The following NDUFAF2 variants were observed in gnomAD, a reference collection of about 807,000 sequenced individuals.
NDUFAF2 encodes the protein NADH:ubiquinone oxidoreductase complex assembly factor 2.
A neutral mutation model predicts 22.8 loss-of-function variants in NDUFAF2; 13 were observed. The ratio of observed to expected loss-of-function variants is 0.57; its 90% confidence interval spans 0.37 to 0.91. The LOEUF (loss-of-function observed/expected upper bound fraction) is 0.91. Ranked by LOEUF, NDUFAF2 falls within the 40% of genes least tolerant of loss-of-function variation. The pLI, the probability that NDUFAF2 is intolerant of heterozygous loss-of-function variation, is 0.01. For missense variants in NDUFAF2, 162 were observed against 195.2 expected (o/e 0.83, Z 1.01); for synonymous variants, 53 against 64.2 (o/e 0.83, Z 0.84).
intron 3 of NDUFAF2, among the ~76,000 whole-genome samples, chr5:61,111,093 T>C (rs902605695): frequency 6.6e-6 from 1 of 152,212 alleles, no homozygotes; most frequent in African/African-American, 2.4e-5. Flanking sequence ...TCAAGGAGCA[T>C]ATTAATTTCC....
intron 1 of NDUFAF2, among the ~76,000 whole-genome samples, chr5:60,954,903 G>C (rs1280635640): frequency 6.6e-6 from 1 of 152,058 alleles, no homozygotes; most frequent in Non-Finnish European, 1.5e-5. Flanking sequence ...ATGCCTGTTA[G>C]TTCCTTTGCC....
At chr5:60,984,081 A>G (rs138123857) in intron 1 of NDUFAF2, among the ~76,000 whole-genome samples, 9,651 of 152,142 alleles carry the variant, frequency 0.063, 1,003 homozygotes, top group African/African-American at 0.22. Context: ...TTCATTGAGC[A>G]GTGGTTTGTA....
intron 1 of NDUFAF2, among the ~76,000 whole-genome samples, chr5:61,050,942 T>C (rs924384993): frequency 6.6e-6 from 1 of 152,170 alleles, no homozygotes; most frequent in Non-Finnish European, 1.5e-5. Context: ...CTCTAAAGTA[T>C]TTTTAAATTC....
intron 3 of NDUFAF2, among the ~76,000 whole-genome samples, chr5:61,112,675 A>G (rs1022610790): frequency 2.3e-4 from 35 of 152,258 alleles, no homozygotes; most frequent in South Asian, 6.2e-4. Flanking sequence ...TGTAGACAAC[A>G]GATTGTTGGG....
chr5:61,022,469 A>C (rs1250512266), intron 1 of NDUFAF2, among the ~76,000 whole-genome samples: 1 of 152,208 alleles, frequency 6.6e-6, no homozygotes, highest in African/African-American at 2.4e-5. Context: ...GATAACACTT[A>C]TATTTCCTTA....
chr5:60,952,697 G>A (rs1750564385), intron 1 of NDUFAF2, among the ~76,000 whole-genome samples: 1 of 152,002 alleles, frequency 6.6e-6, no homozygotes, highest in Admixed American at 6.6e-5. Context: ...ATGTCAGTTA[G>A]CCCAAGCTGG....
intron 1 of NDUFAF2, among the ~76,000 whole-genome samples, chr5:60,960,445 C>T (rs1750669366): frequency 1.3e-5 from 2 of 152,170 alleles, no homozygotes; most frequent in South Asian, 4.1e-4. Context: ...AACCCAGTTT[C>T]TCTGCATCAG....
intron 1 of NDUFAF2, among the ~76,000 whole-genome samples, chr5:61,060,691 C>T (rs1395549510): frequency 1.3e-5 from 2 of 152,096 alleles, no homozygotes; most frequent in African/African-American, 4.8e-5. Context: ...CTCTTTCAAC[C>T]CCAAAGTCAC....
At chr5:61,083,280 A>G (rs899645827) in intron 2 of NDUFAF2, 1 of 151,720 alleles carries the variant, frequency 6.6e-6, no homozygotes, top group Non-Finnish European at 1.5e-5. Context: ...TTGATGTCTT[A>G]CATTTAAGTC....
At chr5:61,101,114 A>G (rs1752700299) in intron 3 of NDUFAF2, among the ~76,000 whole-genome samples, 1 of 152,194 alleles carries the variant, frequency 6.6e-6, no homozygotes, top group African/African-American at 2.4e-5. Context: ...TAGATACATC[A>G]TATTAAGAGG....
intron 1 of NDUFAF2, among the ~76,000 whole-genome samples, chr5:61,039,154 A>G (rs1751839654): frequency 6.6e-6 from 1 of 151,900 alleles, no homozygotes; most frequent in South Asian, 2.1e-4. Flanking sequence ...AAAAAAAAAA[A>G]AAAAAAAGTC....
At chr5:60,969,996 T>C (rs1254647285) in intron 1 of NDUFAF2, among the ~76,000 whole-genome samples, 1 of 152,148 alleles carries the variant, frequency 6.6e-6, no homozygotes, top group Non-Finnish European at 1.5e-5. Context: ...TTCCCCACTG[T>C]GTGTTCTTGG....
At chr5:61,021,281 T>C (rs1413831337) in intron 1 of NDUFAF2, among the ~76,000 whole-genome samples, 7 of 152,086 alleles carry the variant, frequency 4.6e-5, no homozygotes, top group Non-Finnish European at 1.0e-4. Flanking sequence ...TCTGTTTTTT[T>C]CCCCTGTTCT....
At chr5:61,020,047 A>G (rs918874015) in intron 1 of NDUFAF2, among the ~76,000 whole-genome samples, 1 of 152,130 alleles carries the variant, frequency 6.6e-6, no homozygotes, top group Admixed American at 6.5e-5. Context: ...TTTTGATAAT[A>G]TATGTATTTT....
chr5:60,974,791 G>A (rs1750880131), intron 1 of NDUFAF2, among the ~76,000 whole-genome samples: 1 of 152,058 alleles, frequency 6.6e-6, no homozygotes, highest in South Asian at 2.1e-4. Flanking sequence ...ACTGAGATTT[G>A]TGTTTGTTTG....
chr5:61,152,276 C>G (rs936813054), intron 3 of NDUFAF2, among the ~76,000 whole-genome samples: 13 of 150,764 alleles, frequency 8.6e-5, no homozygotes, highest in Non-Finnish European at 1.6e-4. Flanking sequence ...AGCATTCACA[C>G]ATCTGAATGG....
rs116630898 is a variant in NDUFAF2 at position 61,068,715 on chromosome 5, C to T, written c.128-4410C>T. Among the ~76,000 whole-genome samples, 823 of 152,218 alleles carry T rather than the reference C, an allele frequency of 5.4e-3. 10 individuals are homozygous for T. Among genetic ancestry groups the T allele is most frequent in the African/African-American group, 0.019 (794 of 41,554 alleles). On this transcript the variant is annotated intron_variant, in intron 1 of 3. Transcript: ENST00000296597. ...TAATTGATTTAAGATGTGTCTTCCACATTCTGAAACACCTTAATGAAAGGC... is the reference window on the plus strand; with the variant it reads ...TAATTGATTTAAGATGTGTCTTCCATATTCTGAAACACCTTAATGAAAGGC...
At chr5:61,036,910 T>C (rs188765373) in intron 1 of NDUFAF2, among the ~76,000 whole-genome samples, 128 of 152,276 alleles carry the variant, frequency 8.4e-4, no homozygotes, top group Non-Finnish European at 7.1e-4. Flanking sequence ...GTTGATGTAA[T>C]TTATGTAGGT....
At chr5:61,033,805 A>G (rs891831217) in intron 1 of NDUFAF2, among the ~76,000 whole-genome samples, 16 of 152,242 alleles carry the variant, frequency 1.1e-4, no homozygotes, top group Admixed American at 1.0e-3. Flanking sequence ...ACCTCAAACA[A>G]AAAAAAGTTG....
Sources: allele counts gnomAD v4.1 joint callset (sites outside exome capture counted in the v4.1 genomes callset), GRCh38; gene constraint gnomAD v4.1.1; transcripts MANE v1.5; gene names NCBI Gene and HGNC (gene_info 2026-07-23, HGNC 2026-07-21).